Variants in ABCD2 observed in about 807,000 individuals in gnomAD.
ABCD2 encodes the protein ATP-binding cassette sub-family D member 2.
Under a neutral mutation model 70.9 loss-of-function variants are expected in ABCD2, and 36 were observed. The observed-to-expected ratio is 0.51, with a 90% CI of 0.39 to 0.67. ABCD2 has a LOEUF of 0.67. ABCD2 is among the 30% of genes least tolerant of loss of function. ABCD2 has a pLI of 0.00. For synonymous variants in ABCD2, 304 were observed against 306.9 expected (o/e 0.99, Z 0.10); for missense variants, 729 against 890.2 (o/e 0.82, Z 2.30).
At chr12:39,555,672 C>T (rs1426978770) in intron 9 of ABCD2, among the ~76,000 whole-genome samples, 3 of 152,146 alleles carry the variant, frequency 2.0e-5, no homozygotes, top group African/African-American at 7.2e-5. Flanking sequence ...ACAGTAAAAC[C>T]CAGCACTAGA....
At chr12:39,584,719 T>A (rs933882950) in intron 7 of ABCD2, among the ~76,000 whole-genome samples, 2 of 152,218 alleles carry the variant, frequency 1.3e-5, no homozygotes, top group Non-Finnish European at 2.9e-5. Context: ...GGGGTCCAGC[T>A]TCAGTCTTCT....
intron 9 of ABCD2, among the ~76,000 whole-genome samples, chr12:39,561,054 A>G (rs1398160180): frequency 6.6e-6 from 1 of 152,156 alleles, no homozygotes; most frequent in Non-Finnish European, 1.5e-5. Flanking sequence ...TTCCTTACCT[A>G]TTAATAATTA....
chr12:39,612,612 C>G (rs1439379239), intron 2 of ABCD2, among the ~76,000 whole-genome samples: 1 of 152,166 alleles, frequency 6.6e-6, no homozygotes, highest in East Asian at 1.9e-4. Flanking sequence ...ATATGCTATA[C>G]TTTAAACAAT....
chr12:39,587,080 T>C (rs949012989), intron 6 of ABCD2, among the ~76,000 whole-genome samples: 2 of 152,114 alleles, frequency 1.3e-5, no homozygotes, highest in Non-Finnish European at 2.9e-5. Flanking sequence ...ACTCTGAAAA[T>C]ATACTTCTAA....
At chr12:39,601,954 A>G (rs1329285752) in intron 5 of ABCD2, among the ~76,000 whole-genome samples, 4 of 151,938 alleles carry the variant, frequency 2.6e-5, no homozygotes, top group African/African-American at 9.7e-5. Flanking sequence ...AAATATTTCA[A>G]TAGGGCCATT....
At chr12:39,532,618 G>A in the ABCD2 span, among the ~76,000 whole-genome samples, 2 of 152,094 alleles carry the variant, frequency 1.3e-5, no homozygotes, top group Admixed American at 1.3e-4. Flanking sequence ...CAGCATGGAA[G>A]CCACGTAGAC....
chr12:39,582,604 G>A (rs1296608873), intron 7 of ABCD2, among the ~76,000 whole-genome samples: 3 of 152,084 alleles, frequency 2.0e-5, no homozygotes, highest in East Asian at 1.9e-4. Flanking sequence ...TAAACATGTA[G>A]CATTTATTCT....
the ABCD2 span, among the ~76,000 whole-genome samples, chr12:39,534,756 G>GAA: frequency 9.1e-5 from 7 of 77,270 alleles, no homozygotes; most frequent in Admixed American, 3.5e-4. Context: ...AGGAAAGAAA[G>GAA]AAAGAGAAAG....
At chr12:39,554,844 G>A (rs141278733) in intron 9 of ABCD2, among the ~76,000 whole-genome samples, 6 of 152,182 alleles carry the variant, frequency 3.9e-5, no homozygotes, top group Admixed American at 2.0e-4. Flanking sequence ...AGAAAAGTTG[G>A]CAGAGCTGGT....
intron 9 of ABCD2, among the ~76,000 whole-genome samples, chr12:39,573,004 A>C (rs189699586): frequency 1.3e-5 from 2 of 152,216 alleles, no homozygotes; most frequent in East Asian, 1.9e-4. Flanking sequence ...GTATGTGATC[A>C]TGGAAGTATC....
At chr12:39,561,241 A>AAAAG (rs1941253703) in intron 9 of ABCD2, among the ~76,000 whole-genome samples, 1 of 151,612 alleles carries the variant, frequency 6.6e-6, no homozygotes, top group African/African-American at 2.4e-5. Context: ...ACTAAAAAAA[A>AAAAG]AAATAGCTGG....
intron 2 of ABCD2, among the ~76,000 whole-genome samples, chr12:39,615,783 G>C (rs1329450225): frequency 2.6e-5 from 4 of 151,938 alleles, no homozygotes; most frequent in African/African-American, 9.7e-5. Context: ...TATAATTATT[G>C]TTTTTATTAG....
intron 6 of ABCD2, among the ~76,000 whole-genome samples, chr12:39,598,650 T>C (rs556406258): frequency 6.6e-6 from 1 of 152,242 alleles, no homozygotes; most frequent in South Asian, 2.1e-4. Context: ...TTCGCCCGCC[T>C]CAGCCTCCCA....
chr12:39,575,219 T>C (rs1327799756), intron 8 of ABCD2, among the ~76,000 whole-genome samples: 2 of 152,156 alleles, frequency 1.3e-5, no homozygotes, highest in East Asian at 3.8e-4. Context: ...TTTTTCAGAG[T>C]GCCTTGATCG....
intron 5 of ABCD2, 74 bp from the exon 6 acceptor site, chr12:39,600,790 AT>A (rs1156282407): frequency 2.2e-6 from 3 of 1,359,980 alleles, no homozygotes; most frequent in Non-Finnish European, 3.0e-6. Context: ...AAAGTAAATT[AT>A]TTTTTTAAAA....
intron 7 of ABCD2, 102 bp downstream of exon 7, chr12:39,586,050 G>A (rs74683890): frequency 0.031 from 32,739 of 1,071,502 alleles, 605 homozygotes; most frequent in African/African-American, 0.064. Context: ...GCTTATTTCC[G>A]ATTATAGCAT....
chr12:39,604,761 C>A lies in ABCD2; in HGVS notation c.1405+1G>T, dbSNP rs755130015. On this transcript the variant is annotated splice_donor_variant, in intron 4 of 9. Transcript: ENST00000308666. LOFTEE classifies it high-confidence loss of function. The stretch of plus-strand genomic sequence containing the variant: ...AATATAAAAGCACTTGAGTTTAATA[C>A]CTTTAATTGCCAATGTGTCACTGAG... The A allele has an allele frequency of 6.3e-7, 1 of 1,582,888 alleles. No individual in the cohort carries two copies. Among genetic ancestry groups the A allele is most frequent in the Admixed American group, 1.9e-5 (1 of 52,652 alleles).
At chr12:39,539,125 TTAA>T in the ABCD2 span, among the ~76,000 whole-genome samples, 3 of 152,206 alleles carry the variant, frequency 2.0e-5, no homozygotes, top group African/African-American at 7.2e-5. Flanking sequence ...CAGTTACCTC[TTAA>T]TAAGAAATTA....
intron 6 of ABCD2, among the ~76,000 whole-genome samples, chr12:39,593,848 A>G (rs577121536): frequency 1.8e-4 from 27 of 152,302 alleles, no homozygotes; most frequent in African/African-American, 6.5e-4. Flanking sequence ...ATTCTTTAAA[A>G]TTTTATGGAG....
Sources: allele counts gnomAD v4.1 joint callset (sites outside exome capture counted in the v4.1 genomes callset), GRCh38; gene constraint gnomAD v4.1.1; transcripts MANE v1.5; gene names NCBI Gene and HGNC (gene_info 2026-07-23, HGNC 2026-07-21).